USH2A: variants seen among roughly 807,000 people sequenced by gnomAD.
USH2A encodes the protein Usher syndrome 2A (autosomal recessive, mild).
A neutral mutation model predicts 538.9 loss-of-function variants in USH2A; 443 were observed. The observed-to-expected ratio is 0.82, with a 90% CI of 0.76 to 0.89. USH2A has a LOEUF of 0.89. Ranked by LOEUF, USH2A falls within the 40% of genes least tolerant of loss-of-function variation. USH2A has a pLI of 0.00. For missense variants in USH2A, 6,633 were observed against 6,324.8 expected, an observed-to-expected ratio of 1.05 and a Z score of -1.65; for synonymous variants, 2,413 against 2,273.5, an observed-to-expected ratio of 1.06 and a Z score of -1.75.
intron 38 of USH2A, among the ~76,000 whole-genome samples, chr1:215,917,225 GC>G (rs1183753152): frequency 6.6e-6 from 1 of 151,834 alleles, no homozygotes; most frequent in Non-Finnish European, 1.5e-5. Flanking sequence ...CTCTAGTTAA[GC>G]CTTTGCTTTC....
At chr1:216,088,235 C>G (rs573383084) in intron 23 of USH2A, among the ~76,000 whole-genome samples, 1 of 152,036 alleles carries the variant, frequency 6.6e-6, no homozygotes, top group Non-Finnish European at 1.5e-5. Flanking sequence ...ATCAGAGAGA[C>G]CTTTCTTAAC....
chr1:215,719,325 G>C (rs1044630106), intron 61 of USH2A, among the ~76,000 whole-genome samples: 6 of 148,446 alleles, frequency 4.0e-5, no homozygotes, highest in African/African-American at 1.3e-4. Context: ...GTTGGGGCAG[G>C]GGGGCCAGGG....
At chr1:215,749,462 C>T (rs1237361546) in intron 58 of USH2A, among the ~76,000 whole-genome samples, 1 of 152,148 alleles carries the variant, frequency 6.6e-6, no homozygotes, top group African/African-American at 2.4e-5. Flanking sequence ...AAGCTGTGAA[C>T]ACGTAAAACA....
intron 3 of USH2A, among the ~76,000 whole-genome samples, chr1:216,407,256 A>G (rs1052697958): frequency 1.3e-5 from 2 of 152,186 alleles, no homozygotes; most frequent in African/African-American, 2.4e-5. Context: ...TAATCATTAG[A>G]GAGCAGAATG....
At chr1:216,260,376 C>G (rs374342070) in intron 11 of USH2A, among the ~76,000 whole-genome samples, 54 of 152,168 alleles carry the variant, frequency 3.5e-4, no homozygotes, top group African/African-American at 1.2e-3. Flanking sequence ...GATAATGAAA[C>G]ATTGAGAGAA....
chr1:216,352,964 A>T (rs941053873), intron 4 of USH2A, among the ~76,000 whole-genome samples: 2 of 152,124 alleles, frequency 1.3e-5, no homozygotes, highest in African/African-American at 4.8e-5. Flanking sequence ...ATCACAGGGC[A>T]GCATCAGGAA....
intron 50 of USH2A, among the ~76,000 whole-genome samples, chr1:215,796,951 T>G (rs1341778357): frequency 3.3e-5 from 5 of 152,228 alleles, no homozygotes; most frequent in Admixed American, 2.6e-4. Flanking sequence ...CTCTTTATTA[T>G]ATCTTATAAG....
rs376314751 is a variant in USH2A, at chr1:216,097,144, T to C, written c.4697A>G (p.Gln1566Arg). 1.4e-4 allele frequency: 227 copies of C among 1,614,042 alleles called. No individual in the cohort carries two copies. Among genetic ancestry groups the C allele is most frequent in the Non-Finnish European group, 1.8e-4 (208 of 1,180,012 alleles). Residue 1566 changes from glutamine (Q) to arginine (R), a missense_variant, in exon 22 of 72, where the codon CAG becomes CGG. Physicochemically the swap from Gln to Arg is conservative, Grantham distance 43. Transcript: ENST00000307340. ...CAACTGAAGTGCAAAATACTCTTCC[T>C]GATTGCCAGGTGATGCTGCAAAGAC... ...LIVFAASPGN[Q>R]EEYFALQLKK...
rs1186050759 is a variant in USH2A at position 215,625,865 on chromosome 1, C to A, written c.15525G>T (p.Val5175=). 6.2e-7 allele frequency: 1 copy of A among 1,613,880 alleles called. No homozygotes were observed. Among genetic ancestry groups the A allele is most frequent in the Non-Finnish European group, 8.5e-7 (1 of 1,179,936 alleles). ...AIMGHNSGLY[V]DEEDLMNAIK... is the part of the protein sequence containing the mutation. ...TGGCGTTCATCAGGTCCTCTTCATC[C>A]ACATACTGAAAAATAAGCCAATCAT... Residue 5175 remains valine, a synonymous_variant, in exon 72 of 72, where the codon GTG becomes GTT. Transcript: ENST00000307340.
chr1:215,934,761 T>C lies in USH2A; in HGVS notation c.7155A>G (p.Lys2385=). Residue 2385 remains lysine (K), a synonymous_variant, in exon 38 of 72, where the codon AAA becomes AAG. Coordinates refer to ENST00000307340, the MANE Select transcript of USH2A (RefSeq NM_206933.4). ...GNNYTLLNVT[K]VMYSGEETNL... is the part of the protein sequence containing the mutation. ...TTGTCTCTTCTCCGCTGTACATGAC[T>C]TTTGTGACATTCAGAAGGGTGTAGT... is the stretch of plus-strand genomic sequence containing the variant. 6.2e-7 allele frequency: 1 copy of C among 1,612,592 alleles called. No homozygotes were observed. Among genetic ancestry groups the C allele is most frequent in the African/African-American group, 1.3e-5 (1 of 74,972 alleles).
Position 216,247,232 on chromosome 1 carries a change from G to T in USH2A, c.2168-6C>A, listed in dbSNP as rs1370448980. On this transcript the variant is annotated splice_polypyrimidine_tract_variant and splice_region_variant and intron_variant, in intron 12 of 71. Transcript: ENST00000307340. ...GCAATGATCACACCTAAGCCCTAAA[G>T]ATAAAATATATTTAAAAGGTGAGGA... 3.1e-6 allele frequency: 5 copies of T among 1,613,414 alleles called. No individual in the cohort carries two copies. Among genetic ancestry groups the T allele is most frequent in the Non-Finnish European group, 4.2e-6 (5 of 1,179,722 alleles).
At chr1:216,400,820 T>C (rs1185466058) in intron 3 of USH2A, among the ~76,000 whole-genome samples, 1 of 152,154 alleles carries the variant, frequency 6.6e-6, no homozygotes, top group African/African-American at 2.4e-5. Context: ...CTGTCAATCA[T>C]AAATTTTATA....
At chr1:215,667,134 C>G (rs1278120788) in intron 64 of USH2A, among the ~76,000 whole-genome samples, 2 of 152,014 alleles carry the variant, frequency 1.3e-5, no homozygotes, top group Non-Finnish European at 2.9e-5. Context: ...CTTCCCATTC[C>G]ACCCAGGAGT....
chr1:216,069,993 A>C (rs150025264), intron 30 of USH2A, 108 bp downstream of exon 30: 1 of 1,299,602 alleles, frequency 7.7e-7, no homozygotes, highest in East Asian at 2.5e-5. Flanking sequence ...GGTAAAATAC[A>C]TGTATATTTA....
chr1:215,757,235 CT>C, intron 58 of USH2A, among the ~76,000 whole-genome samples: 1 of 152,210 alleles, frequency 6.6e-6, no homozygotes, highest in African/African-American at 2.4e-5. Flanking sequence ...TTATATTTTT[CT>C]TTGCTTATAA....
chr1:216,252,601 T>C (rs2036185134), intron 11 of USH2A, among the ~76,000 whole-genome samples: 1 of 152,220 alleles, frequency 6.6e-6, no homozygotes, highest in African/African-American at 2.4e-5. Flanking sequence ...ATTAAGACAA[T>C]TGATATGAAA....
intron 8 of USH2A, among the ~76,000 whole-genome samples, chr1:216,322,285 A>C (rs777877550): frequency 6.6e-6 from 1 of 152,132 alleles, no homozygotes; most frequent in Non-Finnish European, 1.5e-5. Flanking sequence ...GGCATTTACT[A>C]CACTATTTAA....
At chr1:215,644,643 C>A (rs946574884) in intron 67 of USH2A, among the ~76,000 whole-genome samples, 1 of 152,164 alleles carries the variant, frequency 6.6e-6, no homozygotes, top group African/African-American at 2.4e-5. Context: ...ATTGAAAGTT[C>A]AGTTGCGTTG....
intron 19 of USH2A, 116 bp downstream of exon 19, chr1:216,196,437 G>T (rs2034845727): frequency 9.1e-7 from 1 of 1,102,884 alleles, no homozygotes; most frequent in Non-Finnish European, 1.3e-6. Flanking sequence ...AAGAAAAAAT[G>T]CCCTGTTTAA....
Sources: gnomAD v4.1 joint callset for allele counts (sites outside exome capture counted in the v4.1 genomes callset) on GRCh38, gnomAD v4.1.1 for gene constraint, MANE v1.5 for transcripts, NCBI Gene and HGNC (gene_info 2026-07-23, HGNC 2026-07-21) for gene names.